The following RIMS4 variants were observed in gnomAD, a reference collection of about 807,000 sequenced individuals.
RIMS4 encodes the protein regulating synaptic membrane exocytosis 4.
A neutral mutation model predicts 29.0 loss-of-function variants in RIMS4; 9 were observed. The observed-to-expected ratio is 0.31, with a 90% CI of 0.19 to 0.54. The LOEUF is 0.54. RIMS4 is among the 20% of genes least tolerant of loss of function. The probability of loss-of-function intolerance (pLI) is 0.94; values close to 1 mark genes in which losing one functional copy is unlikely to be tolerated. For missense variants in RIMS4, 193 were observed against 365.7 expected (o/e 0.53, Z 3.85); for synonymous variants, 130 against 152.9 (o/e 0.85, Z 1.10).
chr20:44,756,393 C>G lies in RIMS4; in HGVS notation c.592-41G>C. 1.3e-6 allele frequency: 2 copies of G among 1,548,042 alleles called. No individual in the cohort carries two copies. The highest frequency in any genetic ancestry group is 1.8e-6 in the Non-Finnish European group (2 of 1,128,486). ...CACAGTGGTTCAAATCCTGCCAGTGCCACTCACAGGCCCAGAAGCAGAACC... is the reference window on the plus strand; with the variant it reads ...CACAGTGGTTCAAATCCTGCCAGTGGCACTCACAGGCCCAGAAGCAGAACC... On this transcript the variant is annotated intron_variant, in intron 5 of 5. Coordinates refer to ENST00000372851, the MANE Select transcript of RIMS4 (RefSeq NM_182970.4). The surrounding 1 kb of genome is among the most constrained non-coding windows in gnomAD (Gnocchi z 5.9).
chr20:44,794,966 A>G (rs1601041940), intron 1 of RIMS4, among the ~76,000 whole-genome samples: 1 of 152,302 alleles, frequency 6.6e-6, no homozygotes, highest in East Asian at 1.9e-4. Flanking sequence ...AAAACCCAAG[A>G]GGGGTTCCAA....
rs1429783176 is a variant in RIMS4, at chr20:44,754,181, C to T, written c.*1953G>A. The T allele has an allele frequency of 2.6e-5, 4 of 152,412 alleles. No individual in the cohort carries two copies. Among genetic ancestry groups the T allele is most frequent in the Admixed American group, 1.3e-4 (2 of 15,304 alleles). 9.4% of individuals were successfully genotyped at this position (152,412 alleles called of 1,614,324 possible). ...TGCGAATCCCTCCAGAGCCCTGCTC[C>T]TTCCACCCCCAGCCTTGGGATTCCA... On this transcript the variant is annotated 3_prime_UTR_variant, in exon 6 of 6. Transcript: ENST00000372851.
At chr20:44,785,227 CTTCT>C (rs1293622235) in intron 1 of RIMS4, among the ~76,000 whole-genome samples, 3 of 151,364 alleles carry the variant, frequency 2.0e-5, no homozygotes, top group East Asian at 1.9e-4. Context: ...AGCCATTCTT[CTTCT>C]TTTTTTTTTT....
intron 2 of RIMS4, among the ~76,000 whole-genome samples, chr20:44,766,660 G>A (rs2066114993): frequency 6.6e-6 from 1 of 152,194 alleles, no homozygotes; most frequent in Non-Finnish European, 1.5e-5. Context: ...ATTGGGAATG[G>A]ATTATGGATT....
intron 1 of RIMS4, among the ~76,000 whole-genome samples, chr20:44,796,865 T>C (rs1202872523): frequency 1.3e-5 from 2 of 152,240 alleles, no homozygotes; most frequent in Admixed American, 6.5e-5. Context: ...ACAACACTTG[T>C]TTCCTGTGTT....
intron 1 of RIMS4, among the ~76,000 whole-genome samples, chr20:44,801,842 G>A (rs997755408): frequency 2.6e-5 from 4 of 152,252 alleles, no homozygotes; most frequent in Middle Eastern, 6.8e-3. Context: ...ACTGAATTTG[G>A]TACCCAGTGT....
chr20:44,810,127 T>C, intron 1 of RIMS4, 48 bp downstream of exon 1: 3 of 1,230,834 alleles, frequency 2.4e-6, no homozygotes, highest in African/African-American at 1.6e-5. Flanking sequence ...CTACCGGACC[T>C]GGATCCCGGG....
At chr20:44,775,329 T>C (rs2066155190) in intron 1 of RIMS4, among the ~76,000 whole-genome samples, 1 of 152,102 alleles carries the variant, frequency 6.6e-6, no homozygotes, top group Non-Finnish European at 1.5e-5. Context: ...TGTAGCATGC[T>C]ATGTGCTGTG....
chr20:44,765,832 G>A (rs1345863965), intron 2 of RIMS4, among the ~76,000 whole-genome samples: 1 of 152,234 alleles, frequency 6.6e-6, no homozygotes, highest in Admixed American at 6.5e-5. Flanking sequence ...GAAGAAGCAG[G>A]TGGGTGCTGG....
chr20:44,804,759 T>A (rs967869917), intron 1 of RIMS4, among the ~76,000 whole-genome samples: 11 of 151,978 alleles, frequency 7.2e-5, no homozygotes, highest in African/African-American at 2.2e-4. Context: ...TAGATGGACC[T>A]CTCTCCCCCT....
intron 1 of RIMS4, among the ~76,000 whole-genome samples, chr20:44,787,940 C>T (rs2066216102): frequency 6.6e-6 from 1 of 152,216 alleles, no homozygotes; most frequent in African/African-American, 2.4e-5. Flanking sequence ...AATCGTATCT[C>T]ATTTAAACCT....
Position 44,756,087 on chromosome 20 carries a change from C to G in RIMS4, c.*47G>C. ...CTGGGCCTGGGGTCCCAGGTCAGGG[C>G]TGGGTGGTCTCCAGGCCATCTTGGG... is the stretch of plus-strand genomic sequence containing the variant. On this transcript the variant is annotated 3_prime_UTR_variant, in exon 6 of 6. Coordinates refer to ENST00000372851, the MANE Select transcript of RIMS4 (RefSeq NM_182970.4). This position sits in a 1 kb window ranked among gnomAD's most constrained non-coding sequence, Gnocchi z 5.9. 6.8e-7 allele frequency: 1 copy of G among 1,463,744 alleles called. No individual in the cohort carries two copies. The allele number at this position is 1,463,744 out of a possible 1,614,324, so 90.7% of individuals were successfully genotyped here. A position where few individuals can be genotyped will look rare whatever the true frequency, so the allele number is the denominator to read the frequency against.
intron 1 of RIMS4, among the ~76,000 whole-genome samples, chr20:44,780,986 G>A (rs1394355536): frequency 2.6e-5 from 4 of 152,258 alleles, no homozygotes; most frequent in African/African-American, 9.6e-5. Flanking sequence ...TTATGCCCCT[G>A]GAAGGAAACG....
chr20:44,759,441 T>A (rs1422880458), intron 2 of RIMS4, among the ~76,000 whole-genome samples: 1 of 152,150 alleles, frequency 6.6e-6, no homozygotes, highest in Non-Finnish European at 1.5e-5. Flanking sequence ...TGTTTTTTAG[T>A]AGAGACAGAG....
At position 44,795,204 on chromosome 20, in the gene RIMS4, T is replaced by C. The variant is rs957050463; in HGVS notation, c.97+14971A>G. ...GGCTTCACAGGTGTCCTCTCACCCCTACCCTGTAAGGTAGGCAATGGAGCC... is the reference window on the plus strand; with the variant it reads ...GGCTTCACAGGTGTCCTCTCACCCCCACCCTGTAAGGTAGGCAATGGAGCC... On this transcript the variant is annotated intron_variant, in intron 1 of 5. Coordinates refer to ENST00000372851, the MANE Select transcript of RIMS4 (RefSeq NM_182970.4). 1.1e-4 allele frequency among the ~76,000 whole-genome samples: 16 copies of C among 152,208 alleles called. 1 individual carries two copies. Among genetic ancestry groups the C allele is most frequent in the African/African-American group, 3.1e-4 (13 of 41,462 alleles).
rs184251484 is a variant in RIMS4, at chr20:44,805,886, C to T, written c.97+4289G>A. Among the ~76,000 whole-genome samples the T allele has an allele frequency of 2.9e-3, 437 of 152,174 alleles. 4 individuals carry two copies. The highest frequency in any genetic ancestry group is 0.01 in the African/African-American group (416 of 41,516). ...CTGTCCGGCAGGATATGGGTATCGC[C>T]GCCTCATCACCCAGAAGTACTCAGA... On this transcript the variant is annotated intron_variant, in intron 1 of 5. Transcript: ENST00000372851.
chr20:44,778,905 A>C (rs1361268508), intron 1 of RIMS4, among the ~76,000 whole-genome samples: 4 of 152,178 alleles, frequency 2.6e-5, no homozygotes, highest in Non-Finnish European at 1.5e-5. Flanking sequence ...TGGTGTCCAC[A>C]CCACCAGAGT....
chr20:44,768,642 T>C (rs1393355307), intron 2 of RIMS4, among the ~76,000 whole-genome samples: 1 of 152,186 alleles, frequency 6.6e-6, no homozygotes, highest in East Asian at 1.9e-4. Context: ...AACACTCAGC[T>C]CTTTTCAGGA....
chr20:44,774,227 C>G (rs555642381), intron 1 of RIMS4, among the ~76,000 whole-genome samples: 1 of 152,244 alleles, frequency 6.6e-6, no homozygotes, highest in Admixed American at 6.5e-5. Context: ...GAGATGTGTT[C>G]CCTTTGTTCT....
Sources: allele counts gnomAD v4.1 joint callset (sites outside exome capture counted in the v4.1 genomes callset), GRCh38; gene constraint gnomAD v4.1.1; non-coding constraint Gnocchi (gnomAD v3.1); transcripts MANE v1.5; gene names NCBI Gene and HGNC (gene_info 2026-07-23, HGNC 2026-07-21).